Variants in KIAA1328 observed in about 807,000 individuals in gnomAD.
The protein encoded by KIAA1328 is protein hinderin.
KIAA1328 carries 52 observed loss-of-function variants against 68.1 expected under a neutral mutation model. The observed-to-expected ratio is 0.76, with a 90% confidence interval of 0.61 to 0.96. The LOEUF (loss-of-function observed/expected upper bound fraction) is 0.96, where lower values mean the gene tolerates loss of function less well. Among genes scored for constraint, KIAA1328 ranks in the 40% least tolerant of loss-of-function variants. The probability of loss-of-function intolerance (pLI) is 0.00; values close to 1 mark genes in which losing one functional copy is unlikely to be tolerated. For synonymous variants in KIAA1328, 232 were observed against 239.4 expected, an observed-to-expected ratio of 0.97 and a Z score of 0.28; for missense variants, 641 against 677.6, an observed-to-expected ratio of 0.95 and a Z score of 0.60.
At chr18:36,938,383 G>C (rs952108105) in intron 5 of KIAA1328, among the ~76,000 whole-genome samples, 1 of 151,970 alleles carries the variant, frequency 6.6e-6, no homozygotes, top group African/African-American at 2.4e-5. Context: ...TTTATCTCTT[G>C]GCCATCTGTA....
chr18:37,193,634 TTC>T, intron 9 of KIAA1328: 2 of 702,704 alleles, frequency 2.8e-6, no homozygotes, highest in Middle Eastern at 2.3e-4. Flanking sequence ...AAATCATTTC[TTC>T]ATATTGTTCT....
intron 5 of KIAA1328, among the ~76,000 whole-genome samples, chr18:36,921,626 G>A (rs372268359): frequency 6.6e-6 from 1 of 151,944 alleles, no homozygotes; most frequent in Non-Finnish European, 1.5e-5. Flanking sequence ...GGATGGTCTC[G>A]ATCACCTGAC....
chr18:37,155,031 C>A (rs969581257), intron 7 of KIAA1328, among the ~76,000 whole-genome samples: 2 of 152,196 alleles, frequency 1.3e-5, no homozygotes, highest in African/African-American at 4.8e-5. Context: ...GCTTTTTAAT[C>A]TCTGCACTTG....
intron 7 of KIAA1328, among the ~76,000 whole-genome samples, chr18:37,116,193 G>A (rs886340979): frequency 7.3e-5 from 11 of 151,484 alleles, no homozygotes; most frequent in African/African-American, 2.0e-4. Flanking sequence ...AAAAGAGCCT[G>A]CATTGCCAAG....
intron 7 of KIAA1328, among the ~76,000 whole-genome samples, chr18:37,105,993 C>G (rs1478336726): frequency 7.1e-6 from 1 of 140,992 alleles, no homozygotes; most frequent in East Asian, 2.1e-4. Flanking sequence ...AAAATTATCC[C>G]TTAAACATGG....
intron 7 of KIAA1328, among the ~76,000 whole-genome samples, chr18:37,126,771 G>A (rs2058400894): frequency 1.3e-5 from 2 of 152,014 alleles, no homozygotes; most frequent in South Asian, 4.1e-4. Flanking sequence ...TTTTATCCAA[G>A]AATACAAAGT....
rs141442403 is a variant in KIAA1328, at chr18:37,114,446, A to G, written c.1233-45754A>G. Among the ~76,000 whole-genome samples, 1,336 of 152,314 alleles carry G rather than the reference A, an allele frequency of 8.8e-3. 21 individuals carry two copies. The highest frequency in any genetic ancestry group is 0.03 in the African/African-American group (1,249 of 41,574). On this transcript the variant is annotated intron_variant, in intron 7 of 9. Coordinates refer to ENST00000280020, the MANE Select transcript of KIAA1328 (RefSeq NM_020776.3). ...ATAAAATGAAGGCAGAAATAAAGCT[A>G]TTCTTTGAAACCAATGAGAACAAAT...
At chr18:36,999,214 T>C (rs1287607155) in intron 6 of KIAA1328, among the ~76,000 whole-genome samples, 1 of 152,128 alleles carries the variant, frequency 6.6e-6, no homozygotes, top group Non-Finnish European at 1.5e-5. Flanking sequence ...TCTTTTGAAA[T>C]AATCTAGTCA....
rs757217038 is a variant in KIAA1328 at position 37,084,141 on chromosome 18, C to T, written c.1232+16596C>T. 2.0e-6 allele frequency: 3 copies of T among 1,496,326 alleles called. No individual in the cohort carries two copies. The African/African-American group carries it at 4.2e-5, about 21-fold the overall frequency. 92.7% of individuals were successfully genotyped at this position (1,496,326 alleles called of 1,614,324 possible). Reference sequence around the variant, plus strand: ...TTTTTACAGGTTAAAAGCTCAGGCTCTGTTTAAGTCGAGAGAACTGGTTGC... The same window carrying T: ...TTTTTACAGGTTAAAAGCTCAGGCTTTGTTTAAGTCGAGAGAACTGGTTGC... On this transcript the variant is annotated intron_variant, in intron 7 of 9. Transcript: ENST00000280020.
At chr18:37,161,163 CCTT>C (rs2059270479) in intron 8 of KIAA1328, among the ~76,000 whole-genome samples, 1 of 152,152 alleles carries the variant, frequency 6.6e-6, no homozygotes, top group Admixed American at 6.6e-5. Context: ...ACCCAGATTT[CCTT>C]CTTATTTACC....
intron 5 of KIAA1328, among the ~76,000 whole-genome samples, chr18:36,945,661 G>C (rs956394025): frequency 6.6e-6 from 1 of 152,122 alleles, no homozygotes; most frequent in Admixed American, 6.6e-5. Flanking sequence ...TGCAACTCTG[G>C]TGAGAATGCT....
chr18:37,111,310 C>T (rs1259881797), intron 7 of KIAA1328, among the ~76,000 whole-genome samples: 2 of 152,144 alleles, frequency 1.3e-5, no homozygotes, highest in Non-Finnish European at 2.9e-5. Context: ...GCCTTTAAGG[C>T]TTTTCAAGAA....
intron 1 of KIAA1328, among the ~76,000 whole-genome samples, chr18:36,829,766 G>GT (rs1487301846): frequency 3.3e-5 from 5 of 152,302 alleles, no homozygotes; most frequent in East Asian, 1.9e-4. Context: ...TGGTTACTGC[G>GT]TAAGATGGGA....
At chr18:37,135,497 C>T (rs2058623702) in intron 7 of KIAA1328, among the ~76,000 whole-genome samples, 1 of 151,946 alleles carries the variant, frequency 6.6e-6, no homozygotes, top group Non-Finnish European at 1.5e-5. Flanking sequence ...TGTCTGTCTT[C>T]TTTTCAGTTC....
At chr18:37,070,898 G>T (rs1474590325) in intron 7 of KIAA1328, among the ~76,000 whole-genome samples, 1 of 151,530 alleles carries the variant, frequency 6.6e-6, no homozygotes, top group East Asian at 1.9e-4. Flanking sequence ...ATTTTATTAA[G>T]GTTTTCAAGA....
At chr18:37,137,779 A>C (rs2058677004) in intron 7 of KIAA1328, among the ~76,000 whole-genome samples, 2 of 152,118 alleles carry the variant, frequency 1.3e-5, no homozygotes, top group South Asian at 4.1e-4. Flanking sequence ...CTCTGTGGGA[A>C]ACTTAATTCA....
intron 4 of KIAA1328, among the ~76,000 whole-genome samples, chr18:36,853,111 T>G (rs947581862): frequency 1.3e-5 from 2 of 152,228 alleles, no homozygotes; most frequent in East Asian, 1.9e-4. Flanking sequence ...GTTTTTTGGT[T>G]AATATTTGCA....
intron 9 of KIAA1328, among the ~76,000 whole-genome samples, chr18:37,221,766 A>G (rs1283339977): frequency 6.6e-6 from 1 of 152,148 alleles, no homozygotes; most frequent in Admixed American, 6.5e-5. Context: ...CCACTCTACA[A>G]TCTCTCTTCA....
intron 6 of KIAA1328, among the ~76,000 whole-genome samples, chr18:37,016,810 ATGTCACCTTTGTTGG>A (rs924243679): frequency 6.6e-6 from 1 of 152,046 alleles, no homozygotes; most frequent in African/African-American, 2.4e-5. Context: ...ATTGGTTGTG[ATGTCACCTTTGTTGG>A]TTCTGTTTGT....
Sources: allele counts gnomAD v4.1 joint callset (sites outside exome capture counted in the v4.1 genomes callset), GRCh38; gene constraint gnomAD v4.1.1; transcripts MANE v1.5; gene names NCBI Gene and HGNC (gene_info 2026-07-23, HGNC 2026-07-21).